The following KIF26B variants were observed in gnomAD, a reference collection of about 807,000 sequenced individuals.
KIF26B encodes kinesin family member 26B.
In KIF26B, 63 loss-of-function variants were observed where a neutral mutation model predicts 151.2. That is an observed-to-expected ratio of 0.42 (90% CI 0.34 to 0.51). The LOEUF (loss-of-function observed/expected upper bound fraction) is 0.51, where lower values mean the gene tolerates loss of function less well. Ranked by LOEUF, KIF26B falls within the 20% of genes least tolerant of loss-of-function variation. The pLI is 0.07. For missense variants in KIF26B, 2,813 were observed against 2,913.6 expected (o/e 0.97, Z 0.79); for synonymous variants, 1,357 against 1,262.1 (o/e 1.08, Z -1.59).
At chr1:245,210,438 T>C (rs1158474756) in intron 2 of KIF26B, among the ~76,000 whole-genome samples, 1 of 151,446 alleles carries the variant, frequency 6.6e-6, no homozygotes, top group Non-Finnish European at 1.5e-5. Flanking sequence ...TGTTCTGCGA[T>C]GTGGTGTTCT....
intron 2 of KIF26B, among the ~76,000 whole-genome samples, chr1:245,327,501 T>C (rs1354089562): frequency 6.6e-6 from 1 of 152,218 alleles, no homozygotes; most frequent in Non-Finnish European, 1.5e-5. Context: ...GAAACATCTC[T>C]AGAATTCGAC....
intron 2 of KIF26B, among the ~76,000 whole-genome samples, chr1:245,350,702 C>G (rs546959121): frequency 7.3e-4 from 111 of 152,238 alleles, no homozygotes; most frequent in Non-Finnish European, 1.3e-3. Context: ...GCTCCAGGAT[C>G]CCAGGTATGG....
chr1:245,311,325 G>A (rs1671661799), intron 2 of KIF26B, among the ~76,000 whole-genome samples: 1 of 152,102 alleles, frequency 6.6e-6, no homozygotes, highest in Admixed American at 6.6e-5. Flanking sequence ...CGATGAATGT[G>A]TAGATCTGTG....
intron 10 of KIF26B, chr1:245,676,159 T>C (rs997098980): frequency 2.6e-5 from 4 of 152,250 alleles, no homozygotes; most frequent in African/African-American, 9.6e-5. Context: ...GACTATTTCT[T>C]TCATAAGTCA....
intron 3 of KIF26B, among the ~76,000 whole-genome samples, chr1:245,389,843 A>G (rs1256849434): frequency 6.6e-6 from 1 of 152,210 alleles, no homozygotes; most frequent in Non-Finnish European, 1.5e-5. Context: ...CTCCTTTCCC[A>G]AGGCTCATTA....
chr1:245,701,264 C>T lies in KIF26B; in HGVS notation c.6179-1194C>T, dbSNP rs143886004. 5.7e-3 allele frequency among the ~76,000 whole-genome samples: 869 copies of T among 152,292 alleles called. 5 individuals are homozygous for T. The highest frequency in any genetic ancestry group is 9.8e-3 in the Non-Finnish European group (664 of 68,016). On this transcript the variant is annotated intron_variant, in intron 14 of 14. Transcript: ENST00000407071. Reference sequence around the variant, plus strand: ...AATGAAAAAAAGGATCAATGAGCTGCCTGCTGACTATTCCCTGTGGGCATG... The same window carrying T: ...AATGAAAAAAAGGATCAATGAGCTGTCTGCTGACTATTCCCTGTGGGCATG...
chr1:245,293,985 A>G (rs1671296996), intron 2 of KIF26B, among the ~76,000 whole-genome samples: 1 of 152,214 alleles, frequency 6.6e-6, no homozygotes, highest in Non-Finnish European at 1.5e-5. Context: ...TGAATTTGCA[A>G]GTTAAAACTC....
At chr1:245,672,334 C>G (rs368454146) in intron 10 of KIF26B, among the ~76,000 whole-genome samples, 25 of 152,212 alleles carry the variant, frequency 1.6e-4, no homozygotes, top group African/African-American at 5.8e-4. Flanking sequence ...TTTTAAGCTT[C>G]ACGCTGCTGA....
chr1:245,498,133 A>C (rs1218192396), intron 4 of KIF26B, among the ~76,000 whole-genome samples: 1 of 152,214 alleles, frequency 6.6e-6, no homozygotes, highest in Admixed American at 6.5e-5. Flanking sequence ...ATTTCCCTGC[A>C]TATCTCCTTT....
At chr1:245,634,778 C>T (rs777569633) in intron 9 of KIF26B, among the ~76,000 whole-genome samples, 1 of 152,076 alleles carries the variant, frequency 6.6e-6, no homozygotes, top group Non-Finnish European at 1.5e-5. Context: ...GGCATGATCA[C>T]AGCTCACTGC....
chr1:245,592,152 C>T (rs946952961), intron 5 of KIF26B, among the ~76,000 whole-genome samples: 26 of 152,226 alleles, frequency 1.7e-4, no homozygotes, highest in Admixed American at 1.3e-3. Context: ...TCACCTTTCC[C>T]GGCCCGGTTT....
At chr1:245,681,697 A>C (rs955254453) in intron 10 of KIF26B, among the ~76,000 whole-genome samples, 5 of 152,234 alleles carry the variant, frequency 3.3e-5, no homozygotes, top group Non-Finnish European at 7.3e-5. Context: ...GAGAACATTT[A>C]ATGTAATAGA....
intron 2 of KIF26B, among the ~76,000 whole-genome samples, chr1:245,162,397 T>C (rs1295762815): frequency 7.0e-6 from 1 of 142,204 alleles, no homozygotes; most frequent in African/African-American, 2.7e-5. Context: ...TTTTTTTTTT[T>C]TTTTTTGAGA....
At position 245,611,772 on chromosome 1, in the gene KIF26B, C is replaced by A; in HGVS notation, c.1915-21C>A. Reference sequence around the variant, plus strand: ...AGCCCTCCTCAGCCTGCAGCCTCATCTCTTGGCTTCTGTCTTCCAGCTGCA... The same window carrying A: ...AGCCCTCCTCAGCCTGCAGCCTCATATCTTGGCTTCTGTCTTCCAGCTGCA... On this transcript the variant is annotated intron_variant, in intron 8 of 14. Coordinates refer to ENST00000407071, the MANE Select transcript of KIF26B (RefSeq NM_018012.4). 1.9e-6 allele frequency: 3 copies of A among 1,610,392 alleles called. No individual in the cohort carries two copies. In the South Asian group the frequency reaches 3.3e-5, roughly 18 times the overall value.
At chr1:245,226,458 CT>C (rs11438800) in intron 2 of KIF26B, among the ~76,000 whole-genome samples, 40 of 145,144 alleles carry the variant, frequency 2.8e-4, no homozygotes, top group Non-Finnish European at 2.3e-4. Flanking sequence ...GGGTGCACCT[CT>C]TTTTTTTTTT....
intron 10 of KIF26B, among the ~76,000 whole-genome samples, chr1:245,646,498 G>A (rs2043948527): frequency 6.6e-6 from 1 of 152,142 alleles, no homozygotes; most frequent in Admixed American, 6.5e-5. Context: ...TCTAACTTTA[G>A]GCTGCTCAAA....
intron 5 of KIF26B, among the ~76,000 whole-genome samples, chr1:245,571,096 G>T (rs201062190): frequency 2.0e-5 from 3 of 152,172 alleles, no homozygotes; most frequent in African/African-American, 7.2e-5. Context: ...CTCTTCTCCA[G>T]TTAGATCCTA....
Position 245,661,956 on chromosome 1 carries a change from C to A in KIF26B, c.2258+15676C>A, listed in dbSNP as rs564956877. 6.2e-3 allele frequency among the ~76,000 whole-genome samples: 462 copies of A among 74,382 alleles called. 64 individuals are homozygous for A. The highest frequency in any genetic ancestry group is 0.023 in the African/African-American group (435 of 19,116). 48.8% of individuals were successfully genotyped at this position (74,382 alleles called of 152,430 possible). A position where few individuals can be genotyped will look rare whatever the true frequency, so the allele number is the denominator to read the frequency against. Reference sequence around the variant, plus strand: ...ACACCCAATGATGTATACATACACACACCCCATATATATATATACTCAATG... The same window carrying A: ...ACACCCAATGATGTATACATACACAAACCCCATATATATATATACTCAATG... On this transcript the variant is annotated intron_variant, in intron 10 of 14. Transcript: ENST00000407071.
intron 2 of KIF26B, among the ~76,000 whole-genome samples, chr1:245,186,847 T>TTTTC (rs1283764322): frequency 6.6e-6 from 1 of 152,066 alleles, no homozygotes; most frequent in Non-Finnish European, 1.5e-5. Flanking sequence ...ATACTTTTTT[T>TTTTC]TTTCTTTCTT....
Sources: gnomAD v4.1 joint callset for allele counts (sites outside exome capture counted in the v4.1 genomes callset) on GRCh38, gnomAD v4.1.1 for gene constraint, MANE v1.5 for transcripts, NCBI Gene and HGNC (gene_info 2026-07-23, HGNC 2026-07-21) for gene names.